The following MYBPC1 variants were observed in gnomAD, a reference collection of about 807,000 sequenced individuals.
The protein encoded by MYBPC1 is myosin-binding protein C, slow-type.
MYBPC1 carries 52 observed loss-of-function variants against 147.1 expected under a neutral mutation model. The ratio of observed to expected loss-of-function variants is 0.35; its 90% CI spans 0.28 to 0.45. The LOEUF (loss-of-function observed/expected upper bound fraction) is 0.45, where lower values mean the gene tolerates loss of function less well. Among genes scored for constraint, MYBPC1 ranks in the 20% least tolerant of loss-of-function variants. The probability of loss-of-function intolerance (pLI) is 1.00; values close to 1 mark genes in which losing one functional copy is unlikely to be tolerated. For synonymous variants in MYBPC1, 477 were observed against 475.9 expected, an observed-to-expected ratio of 1.00 and a Z score of -0.03; for missense variants, 1,228 against 1,440.3, an observed-to-expected ratio of 0.85 and a Z score of 2.39.
chr12:101,615,580 A>G (rs943390876), intron 2 of MYBPC1, among the ~76,000 whole-genome samples: 1 of 152,144 alleles, frequency 6.6e-6, no homozygotes, highest in African/African-American at 2.4e-5. Context: ...AGCCAAGTAG[A>G]AAATAGAATA....
intron 28 of MYBPC1, among the ~76,000 whole-genome samples, chr12:101,679,396 A>T (rs1950787507): frequency 6.6e-6 from 1 of 152,140 alleles, no homozygotes; most frequent in Non-Finnish European, 1.5e-5. Flanking sequence ...AGGCTCAGTG[A>T]TCGCTCCCAT....
In MYBPC1 at chr12:101,669,677, C is replaced by T. The variant is rs529083839; in HGVS notation, c.2525-644C>T. On this transcript the variant is annotated intron_variant, in intron 23 of 31. Coordinates refer to ENST00000361466, the MANE Select transcript of MYBPC1 (RefSeq NM_002465.4). ...ACTGGCCAGACGCGGTGGCTCATGC[C>T]GGTAATCCCAGCACTTTGGGAGACT... Among the ~76,000 whole-genome samples the T allele has an allele frequency of 3.9e-5, 6 of 152,172 alleles. No individual in the cohort carries two copies. The East Asian group carries it at 5.8e-4, about 15-fold the overall frequency.
intron 1 of MYBPC1, among the ~76,000 whole-genome samples, chr12:101,603,355 AAAAAG>A (rs1280914714): frequency 6.6e-6 from 1 of 151,860 alleles, no homozygotes; most frequent in Admixed American, 6.6e-5. Context: ...CAAAAAAAAA[AAAAAG>A]AAGATTTCTC....
chr12:101,666,762 C>A, intron 22 of MYBPC1: 1 of 1,613,900 alleles, frequency 6.2e-7, no homozygotes, highest in South Asian at 1.1e-5. Context: ...GCAAAACAGT[C>A]TGATGAAAAT....
chr12:101,617,940 A>G (rs1886513049), intron 3 of MYBPC1, among the ~76,000 whole-genome samples: 1 of 152,238 alleles, frequency 6.6e-6, no homozygotes, highest in South Asian at 2.1e-4. Flanking sequence ...GCTAAGGAGC[A>G]TTAGTCTTTC....
intron 10 of MYBPC1, among the ~76,000 whole-genome samples, chr12:101,638,031 TC>T (rs1485197411): frequency 1.3e-5 from 2 of 152,172 alleles, no homozygotes; most frequent in Non-Finnish European, 2.9e-5. Flanking sequence ...AAGTGACTTA[TC>T]CCAAGTCACA....
chr12:101,694,821 T>C, the MYBPC1 span, among the ~76,000 whole-genome samples: 10,905 of 152,078 alleles, frequency 0.072, 615 homozygotes, highest in African/African-American at 0.15. Context: ...GTACCTATAG[T>C]TCATTAATTT....
chr12:101,629,859 C>T (rs922679537), intron 6 of MYBPC1, among the ~76,000 whole-genome samples: 2 of 151,388 alleles, frequency 1.3e-5, no homozygotes, highest in South Asian at 4.2e-4. Context: ...GGCAACAGAG[C>T]AAGCCTCTGT....
intron 27 of MYBPC1, 132 bp from the exon 28 acceptor site, chr12:101,677,970 G>A (rs1900374374): frequency 2.6e-6 from 3 of 1,138,762 alleles, no homozygotes; most frequent in South Asian, 2.6e-5. Flanking sequence ...TTTGCCACAT[G>A]GCATTTGCTC....
At chr12:101,659,052 A>G (rs1380627840) in intron 18 of MYBPC1, among the ~76,000 whole-genome samples, 1 of 152,238 alleles carries the variant, frequency 6.6e-6, no homozygotes, top group Non-Finnish European at 1.5e-5. Context: ...AAAAAGAAGA[A>G]GAAAATAAAA....
chr12:101,686,907 T>C (rs1951355680), downstream of MYBPC1, among the ~76,000 whole-genome samples: 1 of 152,208 alleles, frequency 6.6e-6, no homozygotes, highest in Admixed American at 6.5e-5. Context: ...TATATATCTC[T>C]GTTGAAATTG....
chr12:101,646,737 GTT>G (rs755284476), intron 12 of MYBPC1, 24 bp from the exon 13 acceptor site: 4 of 1,611,738 alleles, frequency 2.5e-6, no homozygotes, highest in Non-Finnish European at 3.4e-6. Context: ...CACAGACTCT[GTT>G]TATTTTCATC....
At chr12:101,642,070 C>A (rs960254102) in intron 10 of MYBPC1, among the ~76,000 whole-genome samples, 1 of 152,094 alleles carries the variant, frequency 6.6e-6, no homozygotes, top group African/African-American at 2.4e-5. Context: ...TAGATGAAAA[C>A]TGTTAAGTTT....
At chr12:101,627,913 G>A in intron 5 of MYBPC1, 109 bp downstream of exon 5, 2 of 1,273,804 alleles carry the variant, frequency 1.6e-6, no homozygotes, top group Non-Finnish European at 2.3e-6. Context: ...TCAGATTGTA[G>A]TTTTTACGGC....
rs1397176465 is a variant in MYBPC1, at chr12:101,670,262, T to A, written c.2525-59T>A. ...TGAGCATCATGCCATTTTGCTTTTGTAAGGCTATTTTCAGACACCAGACTG... is the reference window on the plus strand; with the variant it reads ...TGAGCATCATGCCATTTTGCTTTTGAAAGGCTATTTTCAGACACCAGACTG... On this transcript the variant is annotated intron_variant, in intron 23 of 31. Coordinates refer to ENST00000361466, the MANE Select transcript of MYBPC1 (RefSeq NM_002465.4). 5 of 1,428,182 alleles carry A rather than the reference T, an allele frequency of 3.5e-6. No homozygotes were observed. The African/African-American group carries it at 5.6e-5, about 16-fold the overall frequency. The allele number at this position is 1,428,182 out of a possible 1,614,324, so 88.5% of individuals were successfully genotyped here.
chr12:101,629,787 C>T (rs1213831159), intron 6 of MYBPC1, among the ~76,000 whole-genome samples: 1 of 151,816 alleles, frequency 6.6e-6, no homozygotes, highest in Non-Finnish European at 1.5e-5. Flanking sequence ...GCAGGAGAAT[C>T]GCTTGAACCC....
At chr12:101,689,409 C>A (rs187201599), downstream of MYBPC1, among the ~76,000 whole-genome samples, 1 of 152,198 alleles carries the variant, frequency 6.6e-6, no homozygotes, top group East Asian at 1.9e-4. Flanking sequence ...CAAGCAAAAG[C>A]AGTTCTTTTA....
chr12:101,685,187 G>A (rs1211317745), intron 31 of MYBPC1, among the ~76,000 whole-genome samples: 2 of 152,106 alleles, frequency 1.3e-5, no homozygotes, highest in Non-Finnish European at 2.9e-5. Flanking sequence ...TTAACAAACT[G>A]GAAGCAGATC....
At chr12:101,659,643 A>G (rs943659353) in intron 18 of MYBPC1, 29 bp from the exon 19 acceptor site, 4 of 1,613,646 alleles carry the variant, frequency 2.5e-6, no homozygotes, top group South Asian at 2.2e-5. Flanking sequence ...TGTGTAAATC[A>G]TGCCACATTT....
Sources: gnomAD v4.1 joint callset for allele counts (sites outside exome capture counted in the v4.1 genomes callset) on GRCh38, gnomAD v4.1.1 for gene constraint, MANE v1.5 for transcripts, NCBI Gene and HGNC (gene_info 2026-07-23, HGNC 2026-07-21) for gene names.